Variants in TDRD3 observed in about 807,000 individuals in gnomAD.
TDRD3 encodes the protein tudor domain containing 3.
In TDRD3, 45 loss-of-function variants were observed where a neutral mutation model predicts 86.7. The observed-to-expected ratio is 0.52, with a 90% CI of 0.41 to 0.67. The LOEUF is 0.67. Among genes scored for constraint, TDRD3 ranks in the 30% least tolerant of loss-of-function variants. The pLI is 0.00. For missense variants in TDRD3, 814 were observed against 889.0 expected, an observed-to-expected ratio of 0.92 and a Z score of 1.07; for synonymous variants, 298 against 301.7, an observed-to-expected ratio of 0.99 and a Z score of 0.13.
At chr13:60,527,826 A>G (rs1464421284) in intron 10 of TDRD3, among the ~76,000 whole-genome samples, 1 of 122,724 alleles carries the variant, frequency 8.1e-6, no homozygotes, top group Non-Finnish European at 1.8e-5. Flanking sequence ...ATCTATTTGT[A>G]ACATAAACTC....
intron 8 of TDRD3, among the ~76,000 whole-genome samples, chr13:60,503,121 G>A (rs940802027): frequency 2.0e-5 from 3 of 152,134 alleles, no homozygotes; most frequent in Non-Finnish European, 4.4e-5. Context: ...AATAAAAAAG[G>A]TTCCTTTAGC....
chr13:60,481,447 A>C (rs1242954375), intron 5 of TDRD3, among the ~76,000 whole-genome samples: 1 of 147,176 alleles, frequency 6.8e-6, no homozygotes, highest in Admixed American at 6.8e-5. Flanking sequence ...TTTTTACCCT[A>C]GGCTTTTCCT....
chr13:60,424,275 C>T (rs1954740683), intron 1 of TDRD3, among the ~76,000 whole-genome samples: 1 of 152,060 alleles, frequency 6.6e-6, no homozygotes, highest in Non-Finnish European at 1.5e-5. Flanking sequence ...CCCACCTCGG[C>T]CTCCCAAAGC....
chr13:60,515,071 G>A (rs1486923752), intron 10 of TDRD3, among the ~76,000 whole-genome samples: 1 of 152,086 alleles, frequency 6.6e-6, no homozygotes, highest in Non-Finnish European at 1.5e-5. Context: ...AGGGACATAG[G>A]AATGCTTACT....
chr13:60,502,379 A>G (rs1956853120), intron 8 of TDRD3, among the ~76,000 whole-genome samples: 1 of 152,254 alleles, frequency 6.6e-6, no homozygotes, highest in African/African-American at 2.4e-5. Context: ...TGACAAATGT[A>G]TAAGCTTTGG....
At chr13:60,548,959 GA>G (rs1957989205) in intron 12 of TDRD3, among the ~76,000 whole-genome samples, 1 of 152,136 alleles carries the variant, frequency 6.6e-6, no homozygotes, top group Non-Finnish European at 1.5e-5. Context: ...TCATGGTAGT[GA>G]AAAACCAGAA....
intron 1 of TDRD3, among the ~76,000 whole-genome samples, chr13:60,404,153 T>C (rs1954171925): frequency 6.6e-6 from 1 of 152,228 alleles, no homozygotes; most frequent in South Asian, 2.1e-4. Context: ...TTAAATATCA[T>C]GTCTTGTGCT....
chr13:60,470,572 G>A (rs1262486656), intron 5 of TDRD3, among the ~76,000 whole-genome samples: 1 of 147,734 alleles, frequency 6.8e-6, no homozygotes, highest in Non-Finnish European at 1.5e-5. Flanking sequence ...GGGTAAAATA[G>A]AATATCATTA....
In TDRD3 at chr13:60,504,599, A is replaced by G. The variant is rs569774113; in HGVS notation, c.859-5164A>G. On this transcript the variant is annotated intron_variant, in intron 8 of 13. Transcript: ENST00000377881. ...AAAGTCACATGAACTAAAAAGCATTACAGCTTTTATCTTTCCTTAAAAAAA... is the reference window on the plus strand; with the variant it reads ...AAAGTCACATGAACTAAAAAGCATTGCAGCTTTTATCTTTCCTTAAAAAAA... Among the ~76,000 whole-genome samples, 16 of 152,360 alleles carry G rather than the reference A, an allele frequency of 1.1e-4. 1 individual carries two copies. In the South Asian group the frequency reaches 1.4e-3, roughly 14 times the overall value.
At chr13:60,426,835 T>A (rs1360096975) in intron 1 of TDRD3, among the ~76,000 whole-genome samples, 7 of 152,192 alleles carry the variant, frequency 4.6e-5, no homozygotes, top group Admixed American at 4.6e-4. Flanking sequence ...AGCAACTTTG[T>A]CACTGTGGGA....
At chr13:60,457,764 T>C (rs1385235210) in intron 3 of TDRD3, among the ~76,000 whole-genome samples, 35 of 152,226 alleles carry the variant, frequency 2.3e-4, no homozygotes, top group Admixed American at 2.3e-3. Flanking sequence ...AGTTTCATGC[T>C]TCTCACCTAG....
chr13:60,544,603 G>A (rs573230580), intron 12 of TDRD3, among the ~76,000 whole-genome samples: 1 of 152,100 alleles, frequency 6.6e-6, no homozygotes, highest in African/African-American at 2.4e-5. Flanking sequence ...TTTATTAATA[G>A]GCTACTGTGT....
chr13:60,507,372 C>A (rs943210465), intron 8 of TDRD3, among the ~76,000 whole-genome samples: 5 of 152,170 alleles, frequency 3.3e-5, no homozygotes, highest in African/African-American at 1.2e-4. Context: ...GAACTCTCCA[C>A]CTCTAATCAA....
intron 5 of TDRD3, among the ~76,000 whole-genome samples, chr13:60,472,510 A>T (rs1313456344): frequency 6.6e-6 from 1 of 152,212 alleles, no homozygotes; most frequent in Non-Finnish European, 1.5e-5. Context: ...CCCAGAAAAT[A>T]GCAGGTGTTG....
At chr13:60,400,209 C>G (rs527906760) in intron 1 of TDRD3, among the ~76,000 whole-genome samples, 1 of 152,142 alleles carries the variant, frequency 6.6e-6, no homozygotes, top group African/African-American at 2.4e-5. Flanking sequence ...CTGAATTTAT[C>G]TAGATAACAA....
chr13:60,463,675 CA>C (rs1313311690), intron 4 of TDRD3, among the ~76,000 whole-genome samples: 2 of 151,778 alleles, frequency 1.3e-5, no homozygotes, highest in Non-Finnish European at 2.9e-5. Flanking sequence ...AACAAAAAAA[CA>C]AAAAATCCAA....
rs909766686 is a variant in TDRD3, at chr13:60,535,037, C to T, written c.1993-71C>T. ...CACATTGGAACACTTTAAAAATTTA[C>T]ATTTCCCTCAAATATTGCCCTTTAT... On this transcript the variant is annotated intron_variant, in intron 11 of 13. Coordinates refer to ENST00000377881, the MANE Select transcript of TDRD3 (RefSeq NM_001146070.2). 4 of 1,472,478 alleles carry T rather than the reference C, an allele frequency of 2.7e-6. No individual in the cohort carries two copies. The African/African-American group carries it at 5.8e-5, about 21-fold the overall frequency. The allele number at this position is 1,472,478 out of a possible 1,614,324, so 91.2% of individuals were successfully genotyped here.
rs573629394 is a variant in TDRD3 at position 60,450,979 on chromosome 13, T to TAC, written c.192+6240_192+6241dup. 5.3e-5 allele frequency among the ~76,000 whole-genome samples: 8 copies of TAC among 152,232 alleles called. No homozygotes were observed. The East Asian group carries it at 1.5e-3, about 29-fold the overall frequency. On this transcript the variant is annotated intron_variant, in intron 3 of 13. Coordinates refer to ENST00000377881, the MANE Select transcript of TDRD3 (RefSeq NM_001146070.2). ...CACACATACACACACAGATCACGCA[T>TAC]ACACACACACTATATTTAATGTTTT...
intron 1 of TDRD3, among the ~76,000 whole-genome samples, chr13:60,439,348 T>C (rs1046913568): frequency 1.3e-5 from 2 of 152,156 alleles, no homozygotes; most frequent in African/African-American, 4.8e-5. Flanking sequence ...TTTAAGATCT[T>C]ATGGTATTAA....
Sources: gnomAD v4.1 joint callset for allele counts (sites outside exome capture counted in the v4.1 genomes callset) on GRCh38, gnomAD v4.1.1 for gene constraint, MANE v1.5 for transcripts, NCBI Gene and HGNC (gene_info 2026-07-23, HGNC 2026-07-21) for gene names.